Variants in SLC35F3 observed in about 807,000 individuals in gnomAD.
SLC35F3 encodes putative thiamine transporter SLC35F3.
In SLC35F3, 25 loss-of-function variants were observed where a neutral mutation model predicts 49.9. The ratio of observed to expected loss-of-function variants is 0.50; its 90% CI spans 0.37 to 0.70. The LOEUF (loss-of-function observed/expected upper bound fraction) is 0.70. Among genes scored for constraint, SLC35F3 ranks in the 30% least tolerant of loss-of-function variants. The probability of loss-of-function intolerance (pLI) is 0.00; values close to 1 mark genes in which losing one functional copy is unlikely to be tolerated. For missense variants in SLC35F3, 525 were observed against 639.8 expected, an observed-to-expected ratio of 0.82 and a Z score of 1.94; for synonymous variants, 275 against 265.4, an observed-to-expected ratio of 1.04 and a Z score of -0.35.
In SLC35F3 at chr1:234,208,448, A is replaced by G. The variant is rs957817010; in HGVS notation, c.284-22969A>G. Among the ~76,000 whole-genome samples, 7 of 152,324 alleles carry G rather than the reference A, an allele frequency of 4.6e-5. No homozygotes were observed. In the South Asian group the frequency reaches 1.2e-3, roughly 27 times the overall value. On this transcript the variant is annotated intron_variant, in intron 2 of 7. Transcript: ENST00000366618. ...ACAAACCTCCAGAATCCGAGGAATC[A>G]GGTGGGCCCAACATAGCTACCCTCT...
rs1019566578 is a variant in SLC35F3 at position 234,046,013 on chromosome 1, T to G, written c.283+140255T>G. 6.6e-6 allele frequency among the ~76,000 whole-genome samples: 1 copy of G among 152,180 alleles called. No individual in the cohort carries two copies. Among genetic ancestry groups the G allele is most frequent in the African/African-American group, 2.4e-5 (1 of 41,468 alleles). On this transcript the variant is annotated intron_variant, in intron 2 of 7. Coordinates refer to ENST00000366618, the MANE Select transcript of SLC35F3 (RefSeq NM_173508.4). This position sits in a 1 kb window ranked among gnomAD's most constrained non-coding sequence, Gnocchi z 4.4. ...ACAATACTCCATTGTAGCTGAATAATATGCTATGTTTATCCTTTACCTGTT... is the reference window on the plus strand; with the variant it reads ...ACAATACTCCATTGTAGCTGAATAAGATGCTATGTTTATCCTTTACCTGTT...
intron 2 of SLC35F3, among the ~76,000 whole-genome samples, chr1:233,973,060 C>G (rs567257868): frequency 2.6e-5 from 4 of 152,306 alleles, no homozygotes; most frequent in Admixed American, 1.3e-4. Context: ...ATAAATATGC[C>G]TGAAGGCAAA....
intron 2 of SLC35F3, among the ~76,000 whole-genome samples, chr1:233,930,503 T>C (rs1455137640): frequency 6.6e-6 from 1 of 152,180 alleles, no homozygotes; most frequent in Admixed American, 6.5e-5. Context: ...GTTCTCAGAG[T>C]GCCATTGAAG....
intron 2 of SLC35F3, among the ~76,000 whole-genome samples, chr1:233,929,068 A>G (rs547450511): frequency 1.3e-5 from 2 of 152,276 alleles, no homozygotes; most frequent in East Asian, 3.9e-4. Flanking sequence ...CTCATGGTCA[A>G]CCCCAAGTCA....
intron 2 of SLC35F3, among the ~76,000 whole-genome samples, chr1:233,984,777 A>T (rs1663240430): frequency 6.6e-6 from 1 of 152,120 alleles, no homozygotes; most frequent in African/African-American, 2.4e-5. Flanking sequence ...AGGCCAGTGG[A>T]TGTCTTTGGT....
In SLC35F3 at chr1:233,924,004, G is replaced by A. The variant is rs140681530; in HGVS notation, c.283+18246G>A. Among the ~76,000 whole-genome samples, 1,035 of 152,236 alleles carry A rather than the reference G, an allele frequency of 6.8e-3. 10 individuals carry two copies. Among genetic ancestry groups the A allele is most frequent in the African/African-American group, 0.023 (952 of 41,528 alleles). ...TCCCAGGGATGAAGCCAACTCGATC[G>A]TGGTGGATAAGCTTTTTGATGTGCT... On this transcript the variant is annotated intron_variant, in intron 2 of 7. Transcript: ENST00000366618.
At chr1:234,189,271 G>A (rs1666695042) in intron 2 of SLC35F3, among the ~76,000 whole-genome samples, 1 of 151,822 alleles carries the variant, frequency 6.6e-6, no homozygotes. Flanking sequence ...GCTAATCAAG[G>A]AGGTACCAGA....
At chr1:233,945,593 C>G (rs1008265798) in intron 2 of SLC35F3, among the ~76,000 whole-genome samples, 4 of 152,178 alleles carry the variant, frequency 2.6e-5, no homozygotes, top group Admixed American at 2.0e-4. Flanking sequence ...TACAGTTTGG[C>G]TGTGTCCTCA....
intron 2 of SLC35F3, among the ~76,000 whole-genome samples, chr1:233,935,238 T>C (rs1662305292): frequency 7.7e-6 from 1 of 130,494 alleles, no homozygotes; most frequent in Non-Finnish European, 1.6e-5. Flanking sequence ...AAATACATGA[T>C]TGAATACTGG....
intron 2 of SLC35F3, among the ~76,000 whole-genome samples, chr1:234,155,187 C>T (rs770844565): frequency 3.4e-4 from 51 of 151,972 alleles, no homozygotes; most frequent in Non-Finnish European, 6.5e-4. Flanking sequence ...TATGCAAACT[C>T]GTGGATACAG....
chr1:234,168,981 G>A (rs972150665), intron 2 of SLC35F3, among the ~76,000 whole-genome samples: 5 of 152,198 alleles, frequency 3.3e-5, no homozygotes, highest in Non-Finnish European at 5.9e-5. Flanking sequence ...GGAAGCTAGA[G>A]TGCTAGGAAA....
intron 2 of SLC35F3, among the ~76,000 whole-genome samples, chr1:233,954,391 ATGCCCTGC>A: frequency 6.6e-6 from 1 of 152,196 alleles, no homozygotes. Flanking sequence ...GAGGGGCCAA[ATGCCCTGC>A]ACCATGCAGG....
At chr1:233,924,433 G>A (rs1245735261) in intron 2 of SLC35F3, among the ~76,000 whole-genome samples, 1 of 152,246 alleles carries the variant, frequency 6.6e-6, no homozygotes, top group Non-Finnish European at 1.5e-5. Context: ...TATTTGCATA[G>A]AGATGTTTAT....
At chr1:234,247,814 C>CTGGTGCATTGTTTG (rs1667662166) in intron 3 of SLC35F3, among the ~76,000 whole-genome samples, 11 of 129,034 alleles carry the variant, frequency 8.5e-5, no homozygotes, top group African/African-American at 1.5e-4. Context: ...TCCATTGTTT[C>CTGGTGCATTGTTTG]ATGGGTCAGT....
chr1:234,247,256 T>C (rs1210070499), intron 3 of SLC35F3, among the ~76,000 whole-genome samples: 1 of 152,268 alleles, frequency 6.6e-6, no homozygotes, highest in Non-Finnish European at 1.5e-5. Flanking sequence ...TGTGTGCATA[T>C]GTGTATAATA....
chr1:233,905,112 G>C lies in SLC35F3; in HGVS notation c.35G>C (p.Arg12Thr), dbSNP rs1214080284. Residue 12 changes from arginine to threonine, a missense_variant, in exon 1 of 8, where the codon AGG becomes ACG. By Grantham distance (71) the Arg-to-Thr change is moderately conservative. Transcript: ENST00000366618. ...CGAGAGTTTCCCAGCGGCGCACCCA[G>C]GGGCAAGAGCATTGCCGTGTGAGTA... ...GIREFPSGAP[R>T]GKSIAVGMRR... 1 of 1,561,856 alleles carries C rather than the reference G, an allele frequency of 6.4e-7. No homozygotes were observed. The highest frequency in any genetic ancestry group is 1.2e-5 in the South Asian group (1 of 84,886).
intron 3 of SLC35F3, among the ~76,000 whole-genome samples, chr1:234,302,691 A>C (rs536501627): frequency 1.3e-5 from 2 of 152,124 alleles, no homozygotes; most frequent in East Asian, 3.8e-4. Context: ...CGCTACTAAC[A>C]TCTGTTTGAA....
chr1:234,199,228 GA>G (rs34022584), intron 2 of SLC35F3, among the ~76,000 whole-genome samples: 1 of 151,260 alleles, frequency 6.6e-6, no homozygotes, highest in African/African-American at 2.4e-5. Context: ...ACCCTGTCTC[GA>G]AAAAAAGAAA....
intron 2 of SLC35F3, among the ~76,000 whole-genome samples, chr1:234,110,380 G>A (rs1424139436): frequency 6.6e-6 from 1 of 152,252 alleles, no homozygotes; most frequent in Non-Finnish European, 1.5e-5. Flanking sequence ...TCAGCCGACA[G>A]GAGGCACTAA....
Sources: allele counts gnomAD v4.1 joint callset (sites outside exome capture counted in the v4.1 genomes callset), GRCh38; gene constraint gnomAD v4.1.1; non-coding constraint Gnocchi (gnomAD v3.1); transcripts MANE v1.5; gene names NCBI Gene and HGNC (gene_info 2026-07-23, HGNC 2026-07-21).